ROBO2: variants seen among roughly 807,000 people sequenced by gnomAD.
ROBO2 encodes the protein roundabout guidance receptor 2.
A neutral mutation model predicts 160.8 loss-of-function variants in ROBO2; 53 were observed. The ratio of observed to expected loss-of-function variants is 0.33; its 90% CI spans 0.26 to 0.41. The LOEUF is 0.41. ROBO2 is among the 10% of genes least tolerant of loss of function. The pLI is 1.00. For synonymous variants in ROBO2, 664 were observed against 611.7 expected (o/e 1.09, Z -1.26); for missense variants, 1,577 against 1,722.4 (o/e 0.92, Z 1.49).
intron 2 of ROBO2, among the ~76,000 whole-genome samples, chr3:77,163,250 A>G (rs2078656370): frequency 6.6e-6 from 1 of 152,222 alleles, no homozygotes; most frequent in Non-Finnish European, 1.5e-5. Context: ...AGCTTTTAAA[A>G]TGTATATAGT....
At chr3:75,986,650 T>C (rs2065423678) in intron 2 of ROBO2, among the ~76,000 whole-genome samples, 1 of 151,764 alleles carries the variant, frequency 6.6e-6, no homozygotes, top group Admixed American at 6.6e-5. Context: ...TGTTCTATTA[T>C]TTCTTCTCAG....
intron 2 of ROBO2, among the ~76,000 whole-genome samples, chr3:76,731,062 AC>A (rs1382699527): frequency 6.6e-6 from 1 of 151,496 alleles, no homozygotes; most frequent in Non-Finnish European, 1.5e-5. Context: ...CCTATTCCCT[AC>A]CCGCTTTTCC....
At chr3:76,338,038 A>C (rs190198957) in intron 2 of ROBO2, among the ~76,000 whole-genome samples, 37 of 152,282 alleles carry the variant, frequency 2.4e-4, no homozygotes, top group African/African-American at 8.9e-4. Context: ...TGATGGTTAC[A>C]ATTCATTTCA....
At chr3:76,764,343 TTCTGCTCCACATTCTATTGTAACTGTATG>T (rs1346015776) in intron 2 of ROBO2, among the ~76,000 whole-genome samples, 1 of 151,760 alleles carries the variant, frequency 6.6e-6, no homozygotes, top group Non-Finnish European at 1.5e-5. Context: ...CATGCTTCCT[TTCTGCTCCACATTCTATTGTAACTGTATG>T]CAGTTCTGAC....
chr3:76,463,882 G>T (rs562039120), intron 2 of ROBO2, among the ~76,000 whole-genome samples: 2 of 152,180 alleles, frequency 1.3e-5, no homozygotes, highest in South Asian at 4.1e-4. Context: ...CTCAAGTAAG[G>T]GCCTGTTCAA....
chr3:77,094,917 T>A (rs2070837807), intron 1 of ROBO2, among the ~76,000 whole-genome samples: 1 of 152,190 alleles, frequency 6.6e-6, no homozygotes, highest in Non-Finnish European at 1.5e-5. Context: ...TATGAGTTCT[T>A]TATATATTCT....
At chr3:76,269,153 T>C (rs1707275132) in intron 2 of ROBO2, among the ~76,000 whole-genome samples, 1 of 152,028 alleles carries the variant, frequency 6.6e-6, no homozygotes, top group African/African-American at 2.4e-5. Context: ...TAAAAACAAC[T>C]AAAAGAGTGT....
chr3:77,401,775 T>C (rs1384117858), intron 2 of ROBO2, among the ~76,000 whole-genome samples: 1 of 152,170 alleles, frequency 6.6e-6, no homozygotes, highest in African/African-American at 2.4e-5. Flanking sequence ...TAATTGGTTA[T>C]ATACCCAATA....
At chr3:77,477,488 C>G in exon 3 of ROBO2, 2 of 1,613,938 alleles carry the variant, frequency 1.2e-6, no homozygotes, top group Non-Finnish European at 1.7e-6. Flanking sequence ...CCTGGAGTGC[C>G]AGCCTCCCCG....
chr3:77,503,391 G>A (rs1048694710), intron 5 of ROBO2, among the ~76,000 whole-genome samples: 2 of 151,360 alleles, frequency 1.3e-5, no homozygotes, highest in African/African-American at 2.4e-5. Flanking sequence ...CAGGCGTGGT[G>A]GCGGCGCCTG....
chr3:76,866,109 A>G (rs1234747234), intron 2 of ROBO2, among the ~76,000 whole-genome samples: 2 of 152,094 alleles, frequency 1.3e-5, no homozygotes, highest in African/African-American at 4.8e-5. Flanking sequence ...AATTTTATCA[A>G]AGAAAGAGAA....
intron 2 of ROBO2, among the ~76,000 whole-genome samples, chr3:76,032,225 C>T (rs993618678): frequency 3.4e-4 from 52 of 151,798 alleles, no homozygotes; most frequent in Non-Finnish European, 4.4e-4. Context: ...TTTTTTATTG[C>T]GTCTATTTGA....
intron 2 of ROBO2, among the ~76,000 whole-genome samples, chr3:76,733,749 C>A (rs2093669151): frequency 6.6e-6 from 1 of 152,156 alleles, no homozygotes; most frequent in South Asian, 2.1e-4. Flanking sequence ...GTTTTATACT[C>A]ATTTATGTTT....
chr3:76,866,931 A>G (rs1180046680), intron 2 of ROBO2, among the ~76,000 whole-genome samples: 1 of 152,114 alleles, frequency 6.6e-6, no homozygotes, highest in Non-Finnish European at 1.5e-5. Flanking sequence ...AATGAACTAT[A>G]TGTTAATTCT....
intron 2 of ROBO2, among the ~76,000 whole-genome samples, chr3:77,030,108 C>A (rs1230907823): frequency 6.6e-6 from 1 of 152,060 alleles, no homozygotes; most frequent in Non-Finnish European, 1.5e-5. Context: ...CCACGCCCGG[C>A]TAATTTTCTG....
chr3:76,634,587 G>GA (rs1331828874), intron 2 of ROBO2, among the ~76,000 whole-genome samples: 4 of 131,142 alleles, frequency 3.1e-5, no homozygotes, highest in Non-Finnish European at 6.2e-5. Flanking sequence ...AAAAAAAAAA[G>GA]GACATCAGTC....
intron 2 of ROBO2, among the ~76,000 whole-genome samples, chr3:76,797,149 C>A (rs2063761447): frequency 6.6e-6 from 1 of 152,116 alleles, no homozygotes; most frequent in South Asian, 2.1e-4. Flanking sequence ...AATACACATT[C>A]TTCTCCTCAG....
At chr3:77,097,413 A>G (rs1559999588) in intron 1 of ROBO2, among the ~76,000 whole-genome samples, 1 of 152,134 alleles carries the variant, frequency 6.6e-6, no homozygotes, top group Admixed American at 6.5e-5. Context: ...ATTGCATTTT[A>G]ACATACGGAT....
chr3:77,185,460 AC>A (rs1201313444), intron 2 of ROBO2, among the ~76,000 whole-genome samples: 5 of 151,952 alleles, frequency 3.3e-5, no homozygotes, highest in African/African-American at 4.8e-5. Flanking sequence ...TAACAAAACC[AC>A]AATGTAATAC....
Sources: allele counts gnomAD v4.1 joint callset (sites outside exome capture counted in the v4.1 genomes callset), GRCh38; gene constraint gnomAD v4.1.1; transcripts MANE v1.5; gene names NCBI Gene and HGNC (gene_info 2026-07-23, HGNC 2026-07-21).